Variants in NOX3 observed in about 807,000 individuals in gnomAD.
NOX3 encodes NADPH oxidase 3.
In NOX3, 74 loss-of-function variants were observed where a neutral mutation model predicts 76.7. That is an observed-to-expected ratio of 0.96 (90% confidence interval 0.80 to 1.17). The LOEUF (loss-of-function observed/expected upper bound fraction) is 1.17, where lower values mean the gene tolerates loss of function less well. Ranked by LOEUF, NOX3 falls within the 50% of genes most tolerant of loss-of-function variation. The pLI is 0.00. For missense variants in NOX3, 695 were observed against 703.3 expected (o/e 0.99, Z 0.13); for synonymous variants, 263 against 261.1 (o/e 1.01, Z -0.07).
At chr6:155,398,951 C>A (rs1286624361) in intron 12 of NOX3, among the ~76,000 whole-genome samples, 1 of 152,194 alleles carries the variant, frequency 6.6e-6, no homozygotes, top group African/African-American at 2.4e-5. Flanking sequence ...TATTATTTTC[C>A]CACGCGATGG....
intron 3 of NOX3, 24 bp from the exon 4 acceptor site, chr6:155,453,512 T>C: frequency 6.4e-7 from 1 of 1,554,374 alleles, no homozygotes; most frequent in Non-Finnish European, 8.9e-7. Context: ...AAAATATGCC[T>C]GATTTATGGA....
chr6:155,402,434 T>A (rs1471891872), intron 12 of NOX3, among the ~76,000 whole-genome samples: 3 of 152,230 alleles, frequency 2.0e-5, no homozygotes, highest in African/African-American at 7.2e-5. Context: ...GTAATATAGC[T>A]AATATAATTA....
chr6:155,452,043 T>G (rs1350500552), intron 4 of NOX3, among the ~76,000 whole-genome samples: 1 of 152,194 alleles, frequency 6.6e-6, no homozygotes, highest in African/African-American at 2.4e-5. Flanking sequence ...GTGATAATAT[T>G]CTTGCCATTT....
Position 155,440,017 on chromosome 6 carries a change from A to G in NOX3, c.607T>C (p.Phe203Leu). ...EFIRQASYEL[F>L]WYTHHVFIVF... is the part of the protein sequence containing the mutation. The stretch of plus-strand genomic sequence containing the variant: ...ATGAAAACATGGTGTGTGTACCAGA[A>G]CAACTCATAGGAGGCCTGTCTGATG... Residue 203 changes from phenylalanine (F) to leucine (L), a missense_variant, in exon 6 of 14, where the codon TTC becomes CTC. Physicochemically the swap from Phe to Leu is conservative, Grantham distance 22 (BLOSUM62 0). Coordinates refer to ENST00000159060, the MANE Select transcript of NOX3 (RefSeq NM_015718.3). 3 of 1,614,108 alleles carry G rather than the reference A, an allele frequency of 1.9e-6. No individual in the cohort carries two copies. The highest frequency in any genetic ancestry group is 2.5e-6 in the Non-Finnish European group (3 of 1,179,984).
At chr6:155,434,833 G>T (rs891007000) in intron 7 of NOX3, among the ~76,000 whole-genome samples, 1 of 152,092 alleles carries the variant, frequency 6.6e-6, no homozygotes, top group Non-Finnish European at 1.5e-5. Flanking sequence ...ACGAGGTGAG[G>T]TACAAAACGT....
chr6:155,418,905 A>T (rs978632496), intron 10 of NOX3, among the ~76,000 whole-genome samples: 4 of 152,254 alleles, frequency 2.6e-5, no homozygotes, highest in African/African-American at 9.6e-5. Context: ...TGGAGGAAAA[A>T]AAAATCCCAC....
chr6:155,414,572 TA>T (rs1429841789), intron 10 of NOX3, among the ~76,000 whole-genome samples: 2 of 151,948 alleles, frequency 1.3e-5, no homozygotes, highest in Non-Finnish European at 2.9e-5. Context: ...GTAATAAAAT[TA>T]TTTTTTTTTA....
chr6:155,437,760 T>C (rs548156146), intron 6 of NOX3, among the ~76,000 whole-genome samples: 3 of 152,224 alleles, frequency 2.0e-5, no homozygotes, highest in Non-Finnish European at 4.4e-5. Flanking sequence ...AAATGCTGTA[T>C]CTTTTAAACA....
At position 155,406,349 on chromosome 6, in the gene NOX3, C is replaced by A. The variant is rs376577515; in HGVS notation, c.1580+781G>T. Among the ~76,000 whole-genome samples the A allele has an allele frequency of 1.3e-4, 20 of 152,256 alleles. No individual in the cohort carries two copies. The East Asian group carries it at 2.7e-3, about 21-fold the overall frequency. ...AAATAAGCTGCCTCTTCCAAGGTCA[C>A]ACAGCCAGTAACTTCTAGAACCAGG... On this transcript the variant is annotated intron_variant, in intron 12 of 13. Coordinates refer to ENST00000159060, the MANE Select transcript of NOX3 (RefSeq NM_015718.3).
Position 155,420,506 on chromosome 6 carries a change from C to T in NOX3, c.1308+2188G>A, listed in dbSNP as rs182427464. ...GCTTGCTTTGTTAAATATATTATGG[C>T]GTAGAGGAAAGAAGATGAGCTTTGG... On this transcript the variant is annotated intron_variant, in intron 10 of 13. Transcript: ENST00000159060. Among the ~76,000 whole-genome samples the T allele has an allele frequency of 4.6e-5, 7 of 152,092 alleles. No individual in the cohort carries two copies. The East Asian group carries it at 5.8e-4, about 13-fold the overall frequency.
At chr6:155,403,074 A>G (rs1779255758) in intron 12 of NOX3, among the ~76,000 whole-genome samples, 1 of 152,246 alleles carries the variant, frequency 6.6e-6, no homozygotes, top group Admixed American at 6.5e-5. Flanking sequence ...TCCTTTGTGC[A>G]GAACAGTAAT....
intron 1 of NOX3, 143 bp from the exon 2 acceptor site, chr6:155,455,272 G>T (rs370099979): frequency 1.7e-6 from 1 of 603,522 alleles, no homozygotes; most frequent in Non-Finnish European, 2.9e-6. Context: ...ATTTCTCATA[G>T]ATTAGTTTTT....
chr6:155,445,336 C>T (rs1015370848), intron 4 of NOX3, among the ~76,000 whole-genome samples: 4 of 152,122 alleles, frequency 2.6e-5, no homozygotes, highest in Non-Finnish European at 4.4e-5. Flanking sequence ...GAGTGAGTTA[C>T]GGGATCCTCC....
rs1289101595 is a variant in NOX3 at position 155,413,565 on chromosome 6, G to A, written c.1309-2205C>T. Among the ~76,000 whole-genome samples the A allele has an allele frequency of 2.0e-5, 3 of 152,138 alleles. No homozygotes were observed. The East Asian group carries it at 5.8e-4, about 29-fold the overall frequency. ...AGTTAGGGGTGGATTTTATATTCGA[G>A]GTTGGTGATGAATACCACTATCTGC... On this transcript the variant is annotated intron_variant, in intron 10 of 13. Coordinates refer to ENST00000159060, the MANE Select transcript of NOX3 (RefSeq NM_015718.3).
At chr6:155,455,200 G>T (rs907682055) in intron 1 of NOX3, 71 bp from the exon 2 acceptor site, 7 of 951,720 alleles carry the variant, frequency 7.4e-6, no homozygotes, top group African/African-American at 1.7e-5. Context: ...ATCACTTGGG[G>T]TTCTTCTTTT....
rs61122990 is a variant in NOX3, at chr6:155,452,383, C to T, written c.340+1021G>A. Among the ~76,000 whole-genome samples, 1,489 of 152,274 alleles carry T rather than the reference C, an allele frequency of 9.8e-3. 20 individuals carry two copies. Among genetic ancestry groups the T allele is most frequent in the African/African-American group, 0.032 (1,348 of 41,550 alleles). On this transcript the variant is annotated intron_variant, in intron 4 of 13. Coordinates refer to ENST00000159060, the MANE Select transcript of NOX3 (RefSeq NM_015718.3). Reference sequence around the variant, plus strand: ...TACAAAGATGAACCAGCCTTATTTCCTCCCCTTTATCTCTGAGCTGGTTTT... The same window carrying T: ...TACAAAGATGAACCAGCCTTATTTCTTCCCCTTTATCTCTGAGCTGGTTTT...
chr6:155,421,492 T>C (rs1407231120), intron 10 of NOX3, among the ~76,000 whole-genome samples: 2 of 152,094 alleles, frequency 1.3e-5, no homozygotes, highest in African/African-American at 4.8e-5. Context: ...TGATAGGTGT[T>C]AGGTGAGGAA....
chr6:155,445,992 T>TA (rs1385806290), intron 4 of NOX3, among the ~76,000 whole-genome samples: 5,215 of 128,434 alleles, frequency 0.041, 143 homozygotes, highest in Middle Eastern at 0.062. Flanking sequence ...TATATATATA[T>TA]ATATAATATA....
intron 10 of NOX3, among the ~76,000 whole-genome samples, chr6:155,419,909 T>C (rs1776667905): frequency 6.6e-6 from 1 of 152,214 alleles, no homozygotes; most frequent in Non-Finnish European, 1.5e-5. Context: ...CCCTTAAATT[T>C]TAAAGAAAAT....
Sources: gnomAD v4.1 joint callset for allele counts (sites outside exome capture counted in the v4.1 genomes callset) on GRCh38, gnomAD v4.1.1 for gene constraint, MANE v1.5 for transcripts, NCBI Gene and HGNC (gene_info 2026-07-23, HGNC 2026-07-21) for gene names.